Variants in CYFIP2 observed in about 807,000 individuals in gnomAD.
CYFIP2 encodes cytoplasmic FMR1-interacting protein 2.
CYFIP2 carries 29 observed loss-of-function variants against 158.7 expected under a neutral mutation model. The observed-to-expected ratio is 0.18, with a 90% confidence interval of 0.14 to 0.25. The LOEUF (loss-of-function observed/expected upper bound fraction) is 0.25, where lower values mean the gene tolerates loss of function less well. Ranked by LOEUF, CYFIP2 falls within the 10% of genes least tolerant of loss-of-function variation. The pLI is 1.00. For synonymous variants in CYFIP2, 585 were observed against 617.6 expected (o/e 0.95, Z 0.78); for missense variants, 852 against 1,639.5 (o/e 0.52, Z 8.29).
At chr5:157,301,007 C>A (rs1254208853) in intron 6 of CYFIP2, 111 bp downstream of exon 6, 2 of 919,560 alleles carry the variant, frequency 2.2e-6, no homozygotes, top group African/African-American at 1.7e-5. Flanking sequence ...TTCTTTGATA[C>A]CAAACTAGCC....
In CYFIP2 at chr5:157,266,553, G is replaced by GGC. The variant is rs1755618296; in HGVS notation, c.-24+358_-24+359insGC. Reference sequence around the variant, plus strand: ...GACCGGAGACACCTGCAGCGGCCGCGAGCCCGGCAGCGGCGACATCCTCGA... The same window carrying GGC: ...GACCGGAGACACCTGCAGCGGCCGCGGCAGCCCGGCAGCGGCGACATCCTCGA... On this transcript the variant is annotated intron_variant, in intron 1 of 30. Transcript: ENST00000620254. The surrounding 1 kb of genome is among the most constrained non-coding windows in gnomAD (Gnocchi z 4.2). The GGC allele has an allele frequency of 1.3e-5, 2 of 152,418 alleles. No individual in the cohort carries two copies. The highest frequency in any genetic ancestry group is 2.9e-5 in the Non-Finnish European group (2 of 68,234). 9.4% of individuals were successfully genotyped at this position (152,418 alleles called of 1,614,324 possible).
chr5:157,300,498 G>A (rs1758653826), intron 5 of CYFIP2, among the ~76,000 whole-genome samples: 1 of 149,194 alleles, frequency 6.7e-6, no homozygotes, highest in Admixed American at 6.7e-5. Flanking sequence ...TCGCACCGCT[G>A]CACTCCAGCC....
At chr5:157,320,512 GGCAGAAATGA>G in intron 14 of CYFIP2, 133 bp from the exon 15 acceptor site, 1 of 1,096,010 alleles carries the variant, frequency 9.1e-7, no homozygotes, top group South Asian at 1.6e-5. Flanking sequence ...TTGGAATTGG[GGCAGAAATGA>G]GCATGCTTTA....
In CYFIP2 at chr5:157,343,524, C is replaced by A. The variant is rs759322125; in HGVS notation, c.2673+2367C>A. On this transcript the variant is annotated intron_variant, in intron 23 of 30. Coordinates refer to ENST00000620254, the MANE Select transcript of CYFIP2 (RefSeq NM_001037333.3). Reference sequence around the variant, plus strand: ...GCTCCTGTATAAGAAATGTTCCCCACCTCGATGTTCATCCCGATTCTGGAA... The same window carrying A: ...GCTCCTGTATAAGAAATGTTCCCCAACTCGATGTTCATCCCGATTCTGGAA... The A allele has an allele frequency of 1.5e-5, 23 of 1,560,238 alleles. No individual in the cohort carries two copies. In the East Asian group the frequency reaches 5.2e-4, roughly 35 times the overall value.
At chr5:157,313,418 C>T (rs111617010) in intron 11 of CYFIP2, among the ~76,000 whole-genome samples, 5 of 152,110 alleles carry the variant, frequency 3.3e-5, no homozygotes, top group African/African-American at 4.8e-5. Flanking sequence ...CGCTATATAG[C>T]GCATTAGCCC....
chr5:157,311,674 A>T lies in CYFIP2; in HGVS notation c.1003A>T (p.Thr335Ser). 1 of 1,607,916 alleles carries T rather than the reference A, an allele frequency of 6.2e-7. No homozygotes were observed. The highest frequency in any genetic ancestry group is 2.2e-5 in the East Asian group (1 of 44,666). ...TAATTTTCTACCCAGGTGGACGTGC[A>T]CCCAGAGCAGCATCAGCCCCCAGTA... ...YEENKSKWTC[T>S]QSSISPQYNI... The change falls in exon 11 of 31, where the codon ACC (threonine) becomes TCC (serine). Residue 335 changes from threonine to serine, a missense_variant. Thr to Ser is a moderately conservative substitution (Grantham distance 58). Coordinates refer to ENST00000620254, the MANE Select transcript of CYFIP2 (RefSeq NM_001037333.3). The surrounding 1 kb of genome is among the most constrained non-coding windows in gnomAD (Gnocchi z 4.7).
At chr5:157,294,737 G>A (rs1253530652) in intron 3 of CYFIP2, 46 bp from the exon 4 acceptor site, 2 of 1,564,016 alleles carry the variant, frequency 1.3e-6, no homozygotes, top group Non-Finnish European at 1.8e-6. Context: ...GCAGCCTGGT[G>A]GCACCCGTCT....
chr5:157,306,727 C>A (rs563865555), intron 8 of CYFIP2, among the ~76,000 whole-genome samples: 14 of 152,040 alleles, frequency 9.2e-5, no homozygotes, highest in Admixed American at 5.2e-4. Flanking sequence ...CAGACAAATA[C>A]AAAAATTAGC....
intron 9 of CYFIP2, 71 bp downstream of exon 9, chr5:157,307,936 G>A: frequency 1.2e-6 from 1 of 840,298 alleles, no homozygotes. Context: ...GGGGGAAAGG[G>A]ATGAAATGAG....
At chr5:157,374,412 G>A (rs1005700830) in intron 26 of CYFIP2, among the ~76,000 whole-genome samples, 2 of 152,144 alleles carry the variant, frequency 1.3e-5, no homozygotes, top group Non-Finnish European at 2.9e-5. Flanking sequence ...AGGATGTGAT[G>A]CCCTTGGGTA....
At chr5:157,310,658 C>T (rs569900242) in intron 10 of CYFIP2, among the ~76,000 whole-genome samples, 1 of 152,216 alleles carries the variant, frequency 6.6e-6, no homozygotes, top group African/African-American at 2.4e-5. Flanking sequence ...CCTGACTTCT[C>T]GACCAGCTGA....
At chr5:157,326,639 A>C (rs562003618) in intron 18 of CYFIP2, among the ~76,000 whole-genome samples, 1 of 152,248 alleles carries the variant, frequency 6.6e-6, no homozygotes, top group Non-Finnish European at 1.5e-5. Context: ...AGGGGAAGCC[A>C]GGGAAGAGAG....
chr5:157,347,623 C>T (rs1409342869), intron 23 of CYFIP2, among the ~76,000 whole-genome samples: 1 of 152,092 alleles, frequency 6.6e-6, no homozygotes, highest in Admixed American at 6.5e-5. Flanking sequence ...GGTTATTTTG[C>T]GGGGAGTAAA....
chr5:157,309,628 A>T, intron 9 of CYFIP2, 115 bp from the exon 10 acceptor site: 1 of 877,042 alleles, frequency 1.1e-6, no homozygotes, highest in Non-Finnish European at 1.8e-6. Flanking sequence ...AGCAGAAACT[A>T]GGGGTCGGCC....
chr5:157,293,971 C>T (rs529539269), intron 3 of CYFIP2, among the ~76,000 whole-genome samples: 5 of 152,188 alleles, frequency 3.3e-5, no homozygotes, highest in African/African-American at 1.2e-4. Context: ...CCAGTCGAGT[C>T]CCAAAAGTCC....
intron 15 of CYFIP2, among the ~76,000 whole-genome samples, chr5:157,321,947 A>G (rs1035007717): frequency 1.3e-5 from 2 of 152,222 alleles, no homozygotes; most frequent in African/African-American, 4.8e-5. Flanking sequence ...ATTTTAAGAC[A>G]TGAGTGAGCA....
At chr5:157,378,757 A>T (rs1765751076) in intron 26 of CYFIP2, among the ~76,000 whole-genome samples, 1 of 152,210 alleles carries the variant, frequency 6.6e-6, no homozygotes. Context: ...CAGGCGACTG[A>T]CAGAAAGCAA....
chr5:157,331,026 G>A (rs1425952456), intron 20 of CYFIP2, among the ~76,000 whole-genome samples, 176 bp downstream of exon 20: 2 of 152,106 alleles, frequency 1.3e-5, no homozygotes, highest in African/African-American at 4.8e-5. Flanking sequence ...AAGAGGCATT[G>A]GGCTTCCTTT....
intron 3 of CYFIP2, among the ~76,000 whole-genome samples, chr5:157,293,991 C>G (rs1758048103): frequency 6.6e-6 from 1 of 152,134 alleles, no homozygotes; most frequent in African/African-American, 2.4e-5. Flanking sequence ...CAGGTGGAGT[C>G]AGTCTGAAGA....
Sources: allele counts gnomAD v4.1 joint callset (sites outside exome capture counted in the v4.1 genomes callset), GRCh38; gene constraint gnomAD v4.1.1; non-coding constraint Gnocchi (gnomAD v3.1); transcripts MANE v1.5; gene names NCBI Gene and HGNC (gene_info 2026-07-23, HGNC 2026-07-21).